The following ITGA9 variants were observed in gnomAD, a reference collection of about 807,000 sequenced individuals.
ITGA9 encodes the protein integrin alpha-9.
Under a neutral mutation model 127.8 loss-of-function variants are expected in ITGA9, and 56 were observed. The observed-to-expected ratio is 0.44, with a 90% CI of 0.35 to 0.55. ITGA9 has a LOEUF of 0.55. Ranked by LOEUF, ITGA9 falls within the 20% of genes least tolerant of loss-of-function variation. The pLI is 0.00. For missense variants in ITGA9, 1,196 were observed against 1,347.1 expected (o/e 0.89, Z 1.76); for synonymous variants, 508 against 514.5 (o/e 0.99, Z 0.17).
At chr3:37,675,043 A>T (rs1700668412) in intron 17 of ITGA9, among the ~76,000 whole-genome samples, 1 of 152,202 alleles carries the variant, frequency 6.6e-6, no homozygotes, top group African/African-American at 2.4e-5. Flanking sequence ...CTGACATAGG[A>T]TCCTGTAGCA....
intron 15 of ITGA9, among the ~76,000 whole-genome samples, chr3:37,583,869 A>C (rs1699731875): frequency 6.6e-6 from 1 of 152,196 alleles, no homozygotes; most frequent in African/African-American, 2.4e-5. Context: ...CCACATCAGG[A>C]CAGGTTTCAT....
At chr3:37,551,090 G>T (rs1460913783) in intron 15 of ITGA9, among the ~76,000 whole-genome samples, 1 of 151,964 alleles carries the variant, frequency 6.6e-6, no homozygotes, top group Non-Finnish European at 1.5e-5. Flanking sequence ...AAGTAAATTT[G>T]TGGGGTCAGT....
At chr3:37,466,483 CAAAAAAAAAAAAAAAAA>C (rs60980366) in intron 1 of ITGA9, among the ~76,000 whole-genome samples, 15 of 26,066 alleles carry the variant, frequency 5.8e-4, no homozygotes, top group Non-Finnish European at 8.2e-4. Flanking sequence ...GACACCATCT[CAAAAAAAAAAAAAAAAA>C]AAAAAAAAAA....
At chr3:37,654,061 G>A (rs1047473775) in intron 17 of ITGA9, among the ~76,000 whole-genome samples, 6 of 151,986 alleles carry the variant, frequency 3.9e-5, no homozygotes, top group Non-Finnish European at 8.8e-5. Flanking sequence ...AGTATTTGAG[G>A]GGTGGCTATT....
chr3:37,462,231 C>T (rs1409247462), intron 1 of ITGA9, among the ~76,000 whole-genome samples: 1 of 152,200 alleles, frequency 6.6e-6, no homozygotes, highest in Non-Finnish European at 1.5e-5. Context: ...CTTTCACTCC[C>T]TAACACACAA....
chr3:37,803,198 A>T (rs1697254569), intron 26 of ITGA9, among the ~76,000 whole-genome samples: 1 of 152,230 alleles, frequency 6.6e-6, no homozygotes, highest in Admixed American at 6.5e-5. Context: ...CATTGTCGTT[A>T]TCTGTTCTGA....
rs910938980 is a variant in ITGA9, at chr3:37,795,840, C to T, written c.2890-7983C>T. ...TCTAACCTGGGGAAACCATTTCCCC[C>T]GCAGCCCTCTCACGGGGGCTTTTTC... On this transcript the variant is annotated intron_variant, in intron 26 of 27. Coordinates refer to ENST00000264741, the MANE Select transcript of ITGA9 (RefSeq NM_002207.3). 2.4e-4 allele frequency among the ~76,000 whole-genome samples: 37 copies of T among 152,228 alleles called. 1 individual carries two copies. The highest frequency in any genetic ancestry group is 2.3e-3 in the Admixed American group (35 of 15,286).
intron 16 of ITGA9, among the ~76,000 whole-genome samples, chr3:37,650,427 A>T (rs1700418783): frequency 6.6e-6 from 1 of 151,840 alleles, no homozygotes; most frequent in Non-Finnish European, 1.5e-5. Context: ...CCATCCATTA[A>T]TGTTTGTTTG....
At chr3:37,623,986 AT>A (rs1700151858) in intron 15 of ITGA9, among the ~76,000 whole-genome samples, 1 of 152,058 alleles carries the variant, frequency 6.6e-6, no homozygotes, top group African/African-American at 2.4e-5. Context: ...GTAAGAAAGG[AT>A]GGAGGATGGA....
chr3:37,736,862 G>T lies in ITGA9; in HGVS notation c.2155-42G>T, dbSNP rs112048743. On this transcript the variant is annotated intron_variant, in intron 19 of 27. Transcript: ENST00000264741. ...AGATGGAAGAGAACAGTTTAAGTTTGGAATGCCTGCTGATGCCAAATACCA... is the reference window on the plus strand; with the variant it reads ...AGATGGAAGAGAACAGTTTAAGTTTTGAATGCCTGCTGATGCCAAATACCA... 6.1e-6 allele frequency: 8 copies of T among 1,301,900 alleles called. No individual in the cohort carries two copies. In the African/African-American group the frequency reaches 8.8e-5, roughly 14 times the overall value. 80.6% of individuals were successfully genotyped at this position (1,301,900 alleles called of 1,614,324 possible). A position where few individuals can be genotyped will look rare whatever the true frequency, so the allele number is the denominator to read the frequency against.
chr3:37,524,480 G>A (rs1170908753), intron 12 of ITGA9, among the ~76,000 whole-genome samples: 1 of 152,160 alleles, frequency 6.6e-6, no homozygotes, highest in Non-Finnish European at 1.5e-5. Flanking sequence ...AGAGCCAGGA[G>A]GAAGTAAGGG....
chr3:37,558,021 G>A (rs1699447430), intron 15 of ITGA9, among the ~76,000 whole-genome samples: 1 of 152,148 alleles, frequency 6.6e-6, no homozygotes, highest in Non-Finnish European at 1.5e-5. Context: ...CATTCTGGAT[G>A]GCCCATTTCT....
At chr3:37,487,518 C>T (rs374897881) in intron 4 of ITGA9, among the ~76,000 whole-genome samples, 1 of 152,206 alleles carries the variant, frequency 6.6e-6, no homozygotes, top group Non-Finnish European at 1.5e-5. Context: ...TTTTGTTTCT[C>T]TCAGAAAAAT....
intron 15 of ITGA9, among the ~76,000 whole-genome samples, chr3:37,601,957 A>G (rs1699926433): frequency 6.6e-6 from 1 of 152,166 alleles, no homozygotes; most frequent in Admixed American, 6.5e-5. Flanking sequence ...TGGAGATCAC[A>G]TGGTGAGAGA....
At chr3:37,786,899 T>C (rs961389649) in intron 26 of ITGA9, among the ~76,000 whole-genome samples, 3 of 152,188 alleles carry the variant, frequency 2.0e-5, no homozygotes, top group African/African-American at 7.2e-5. Flanking sequence ...CAGGCTGGAG[T>C]GCACTGGTGC....
intron 4 of ITGA9, among the ~76,000 whole-genome samples, chr3:37,485,182 CTGCATCCAAG>C (rs1192857066): frequency 3.9e-5 from 6 of 152,184 alleles, no homozygotes; most frequent in Admixed American, 3.9e-4. Context: ...AGGGCTTGAG[CTGCATCCAAG>C]TGCAAGGTGG....
At chr3:37,467,724 T>C (rs1455592177) in intron 1 of ITGA9, among the ~76,000 whole-genome samples, 2 of 152,176 alleles carry the variant, frequency 1.3e-5, no homozygotes, top group Non-Finnish European at 2.9e-5. Flanking sequence ...TTGGAGTTGG[T>C]GGGAATTTTT....
chr3:37,488,059 C>G (rs2125562022), intron 4 of ITGA9, among the ~76,000 whole-genome samples: 1 of 152,288 alleles, frequency 6.6e-6, no homozygotes, highest in Middle Eastern at 3.4e-3. Flanking sequence ...AGTATCTGCA[C>G]AGCAGTTTGT....
intron 3 of ITGA9, among the ~76,000 whole-genome samples, chr3:37,474,876 A>T (rs1282172164): frequency 2.0e-5 from 3 of 152,216 alleles, no homozygotes; most frequent in Non-Finnish European, 1.5e-5. Flanking sequence ...TAAGGAGCCC[A>T]CTTTTGTGTT....
Sources: gnomAD v4.1 joint callset for allele counts (sites outside exome capture counted in the v4.1 genomes callset) on GRCh38, gnomAD v4.1.1 for gene constraint, MANE v1.5 for transcripts, NCBI Gene and HGNC (gene_info 2026-07-23, HGNC 2026-07-21) for gene names.